The following NRXN1 variants were observed in gnomAD, a reference collection of about 807,000 sequenced individuals.
The protein encoded by NRXN1 is neurexin 1.
In NRXN1, 39 loss-of-function variants were observed where a neutral mutation model predicts 150.9. That is an observed-to-expected ratio of 0.26 (90% CI 0.20 to 0.34). NRXN1 has a LOEUF of 0.34. Among genes scored for constraint, NRXN1 ranks in the 10% least tolerant of loss-of-function variants. The pLI is 1.00. For synonymous variants in NRXN1, 924 were observed against 757.0 expected (o/e 1.22, Z -3.62); for missense variants, 1,815 against 1,949.9 (o/e 0.93, Z 1.30).
intron 18 of NRXN1, among the ~76,000 whole-genome samples, chr2:50,208,139 T>C (rs2062749278): frequency 6.6e-6 from 1 of 152,128 alleles, no homozygotes; most frequent in African/African-American, 2.4e-5. Context: ...AATGCACTGC[T>C]CATTTCCCTC....
At chr2:50,888,069 A>G (rs1053599713) in intron 5 of NRXN1, among the ~76,000 whole-genome samples, 2 of 151,490 alleles carry the variant, frequency 1.3e-5, no homozygotes, top group Admixed American at 1.3e-4. Flanking sequence ...AGAAACAATG[A>G]TATCTGTCTT....
intron 8 of NRXN1, among the ~76,000 whole-genome samples, chr2:50,572,713 C>A (rs1322108489): frequency 6.6e-6 from 1 of 152,110 alleles, no homozygotes; most frequent in South Asian, 2.1e-4. Context: ...AAGTGATAAA[C>A]CCTGACAACC....
intron 8 of NRXN1, among the ~76,000 whole-genome samples, chr2:50,569,520 T>C (rs969963149): frequency 6.6e-6 from 1 of 152,102 alleles, no homozygotes; most frequent in African/African-American, 2.4e-5. Context: ...ATATATATTA[T>C]ATGTAATATA....
chr2:50,628,042 C>T (rs113142345), intron 5 of NRXN1, among the ~76,000 whole-genome samples: 2,359 of 151,884 alleles, frequency 0.016, 76 homozygotes, highest in African/African-American at 0.054. Context: ...ACTTAGATAA[C>T]TAAATTATAA....
chr2:50,523,392 C>T (rs921408453), intron 12 of NRXN1, among the ~76,000 whole-genome samples: 6 of 152,078 alleles, frequency 3.9e-5, no homozygotes, highest in African/African-American at 9.7e-5. Flanking sequence ...AAGGCAGAGG[C>T]GAAAGACTCC....
intron 2 of NRXN1, among the ~76,000 whole-genome samples, chr2:50,951,189 T>A (rs1691268910): frequency 6.6e-6 from 1 of 152,100 alleles, no homozygotes; most frequent in African/African-American, 2.4e-5. Context: ...GGGGGCAACC[T>A]GAGGGACAAA....
intron 5 of NRXN1, among the ~76,000 whole-genome samples, chr2:50,814,880 T>C (rs1253162571): frequency 1.3e-5 from 2 of 152,166 alleles, no homozygotes; most frequent in Admixed American, 6.6e-5. Context: ...TTTGATTCAA[T>C]TGTTTACCTC....
At chr2:50,928,021 C>T (rs1687163801) in intron 2 of NRXN1, among the ~76,000 whole-genome samples, 1 of 151,886 alleles carries the variant, frequency 6.6e-6, no homozygotes, top group Non-Finnish European at 1.5e-5. Flanking sequence ...CCTTTCATGA[C>T]CATAGATACA....
chr2:50,884,264 T>C (rs962434199), intron 5 of NRXN1, among the ~76,000 whole-genome samples: 1 of 151,818 alleles, frequency 6.6e-6, no homozygotes, highest in Non-Finnish European at 1.5e-5. Flanking sequence ...GTAAATGTTA[T>C]TTTCTCAACA....
At chr2:50,827,531 T>C (rs1037377593) in intron 5 of NRXN1, among the ~76,000 whole-genome samples, 2 of 150,424 alleles carry the variant, frequency 1.3e-5, no homozygotes, top group African/African-American at 2.4e-5. Flanking sequence ...TAAACTCTTT[T>C]AAAGACTTAC....
intron 5 of NRXN1, among the ~76,000 whole-genome samples, chr2:50,814,564 C>G (rs1019657945): frequency 2.6e-5 from 4 of 152,100 alleles, no homozygotes; most frequent in Admixed American, 2.6e-4. Flanking sequence ...TATCATACCA[C>G]ATGAAATCTG....
intron 18 of NRXN1, among the ~76,000 whole-genome samples, chr2:50,135,359 C>G (rs997323792): frequency 1.3e-5 from 2 of 152,170 alleles, no homozygotes; most frequent in African/African-American, 2.4e-5. Flanking sequence ...AACTCTCCCT[C>G]AGAAAAACAA....
intron 17 of NRXN1, among the ~76,000 whole-genome samples, chr2:50,374,979 G>A (rs546516146): frequency 2.6e-5 from 4 of 152,112 alleles, no homozygotes; most frequent in African/African-American, 9.6e-5. Flanking sequence ...GTTACTAAAT[G>A]GATCAAAAGA....
intron 18 of NRXN1, among the ~76,000 whole-genome samples, chr2:50,198,642 G>A (rs138870693): frequency 3.0e-4 from 45 of 152,162 alleles, no homozygotes; most frequent in African/African-American, 1.1e-3. Context: ...AACCATCGAT[G>A]TGACAACCGA....
At chr2:50,208,753 G>T (rs987499777) in intron 18 of NRXN1, among the ~76,000 whole-genome samples, 6 of 152,124 alleles carry the variant, frequency 3.9e-5, no homozygotes, top group Admixed American at 6.6e-5. Flanking sequence ...AATTACACTT[G>T]AAAATAACAC....
chr2:50,852,079 G>T (rs1674598740), intron 5 of NRXN1, among the ~76,000 whole-genome samples: 1 of 152,130 alleles, frequency 6.6e-6, no homozygotes, highest in African/African-American at 2.4e-5. Context: ...GATGGTTGTT[G>T]CCAGAAGGGG....
intron 2 of NRXN1, among the ~76,000 whole-genome samples, chr2:50,935,518 T>TGAGGTCA (rs1688403615): frequency 6.6e-6 from 1 of 152,102 alleles, no homozygotes; most frequent in Non-Finnish European, 1.5e-5. Flanking sequence ...GCAGATCACT[T>TGAGGTCA]GAGGTCAGCA....
At chr2:49,993,348 T>G (rs192281217) in intron 21 of NRXN1, among the ~76,000 whole-genome samples, 379 of 152,264 alleles carry the variant, frequency 2.5e-3, no homozygotes, top group Non-Finnish European at 3.9e-3. Context: ...CATATGACAT[T>G]CTAGAAGAAG....
At chr2:50,422,178 C>T (rs891507530) in intron 17 of NRXN1, among the ~76,000 whole-genome samples, 3 of 152,066 alleles carry the variant, frequency 2.0e-5, no homozygotes, top group Non-Finnish European at 4.4e-5. Flanking sequence ...TTAGTCATAT[C>T]CAACTTTTTA....
Sources: gnomAD v4.1 joint callset for allele counts (sites outside exome capture counted in the v4.1 genomes callset) on GRCh38, gnomAD v4.1.1 for gene constraint, MANE v1.5 for transcripts, NCBI Gene and HGNC (gene_info 2026-07-23, HGNC 2026-07-21) for gene names.